DDX25: variants seen among roughly 807,000 people sequenced by gnomAD.
DDX25 encodes the protein DEAD-box helicase 25, also known as ATP-dependent RNA helicase DDX25.
DDX25 carries 70 observed loss-of-function variants against 64.6 expected under a neutral mutation model. That is an observed-to-expected ratio of 1.08 (90% CI 0.89 to 1.32). The LOEUF (loss-of-function observed/expected upper bound fraction) is 1.32. Among genes scored for constraint, DDX25 ranks in the 40% most tolerant of loss-of-function variants. The probability of loss-of-function intolerance (pLI) is 0.00; values close to 1 mark genes in which losing one functional copy is unlikely to be tolerated. For synonymous variants in DDX25, 211 were observed against 213.3 expected (o/e 0.99, Z 0.09); for missense variants, 587 against 604.4 (o/e 0.97, Z 0.30).
rs1944867886 is a variant in DDX25 at position 125,905,274 on chromosome 11, CAT to C, written c.128_129del (p.Ile43ArgfsTer5). 3 of 1,551,560 alleles carry C rather than the reference CAT, an allele frequency of 1.9e-6. No homozygotes were observed. The highest frequency in any genetic ancestry group is 1.7e-6 in the Non-Finnish European group (2 of 1,146,978). On this transcript the variant is annotated frameshift_variant and splice_region_variant, in exon 2 of 12. Transcript: ENST00000263576. LOFTEE classifies it high-confidence loss of function. Reference protein sequence around the residue: ...WGIKSTAVRNIDGSINNINED... With the variant: ...WGIKSTAVRNXDGSINNINED... The stretch of plus-strand genomic sequence containing the variant: ...GTATTAAGAGTACTGCAGTCCGAAA[CAT>C]AGGTGAGTGCTGTTAGGGCAAAGCA...
intron 8 of DDX25, among the ~76,000 whole-genome samples, chr11:125,915,766 A>G (rs1004618173): frequency 6.6e-6 from 1 of 151,918 alleles, no homozygotes; most frequent in African/African-American, 2.4e-5. Context: ...CCTGTAGCTC[A>G]CAGCTCCTAG....
chr11:125,922,476 C>T (rs1412221683), intron 11 of DDX25: 1 of 225,414 alleles, frequency 4.4e-6, no homozygotes, highest in African/African-American at 2.3e-5. Flanking sequence ...CTGGGGAGGA[C>T]AGGGTGAGGA....
upstream of DDX25, among the ~76,000 whole-genome samples, chr11:125,903,983 A>T (rs1031552026): frequency 6.6e-6 from 1 of 152,254 alleles, no homozygotes; most frequent in Non-Finnish European, 1.5e-5. Context: ...TAGAGCTTGA[A>T]CAGTTCTGCT....
Position 125,908,445 on chromosome 11 carries a change from CAGCG to C in DDX25, c.450_453del (p.Ala151HisfsTer7). The C allele has an allele frequency of 6.2e-7, 1 of 1,614,016 alleles. No homozygotes were observed. The highest frequency in any genetic ancestry group is 8.5e-7 in the Non-Finnish European group (1 of 1,179,898). On this transcript the variant is annotated frameshift_variant, in exon 6 of 12. Coordinates refer to ENST00000263576, the MANE Select transcript of DDX25 (RefSeq NM_013264.5). LOFTEE classifies it high-confidence loss of function. ...CAGAGCCAGTCTGGAACAGGAAAGA[CAGCG>C]GCATTTGTGTTGGCAATGTTAAGCA... is the stretch of plus-strand genomic sequence containing the variant.
intron 6 of DDX25, 66 bp from the exon 7 acceptor site, chr11:125,910,298 G>A (rs1270314820): frequency 7.5e-7 from 1 of 1,325,754 alleles, no homozygotes; most frequent in African/African-American, 1.5e-5. Context: ...AATTTTTATT[G>A]CAGTTGAAAT....
In DDX25 at chr11:125,916,534, C is replaced by A. The variant is rs538454038; in HGVS notation, c.801-480C>A. On this transcript the variant is annotated intron_variant, in intron 8 of 11. Transcript: ENST00000263576. Reference sequence around the variant, plus strand: ...GGGTACATTTCAGTCACTGTACTTTCCCCTGTTGCTCCCCTTTAATTTGTA... The same window carrying A: ...GGGTACATTTCAGTCACTGTACTTTACCCTGTTGCTCCCCTTTAATTTGTA... Among the ~76,000 whole-genome samples the A allele has an allele frequency of 4.9e-4, 74 of 152,260 alleles. 3 individuals carry two copies. In the South Asian group the frequency reaches 0.011, roughly 22 times the overall value.
At chr11:125,914,631 A>C (rs1380844341) in intron 8 of DDX25, among the ~76,000 whole-genome samples, 2 of 152,178 alleles carry the variant, frequency 1.3e-5, no homozygotes. Flanking sequence ...TTCAGCAGAG[A>C]TCAAAAGAGG....
Position 125,917,775 on chromosome 11 carries a change from A to G in DDX25, c.1038+524A>G, listed in dbSNP as rs937332395. Among the ~76,000 whole-genome samples, 3 of 152,214 alleles carry G rather than the reference A, an allele frequency of 2.0e-5. 1 individual carries two copies. The highest frequency in any genetic ancestry group is 1.9e-4 in the East Asian group (1 of 5,204). ...AGCACCAAAAACATATGTGTAGAAT[A>G]AAAGAAAGCTCAGCTCTGCCACTGG... On this transcript the variant is annotated intron_variant, in intron 9 of 11. Coordinates refer to ENST00000263576, the MANE Select transcript of DDX25 (RefSeq NM_013264.5).
At chr11:125,919,223 G>A (rs1196821670) in intron 10 of DDX25, among the ~76,000 whole-genome samples, 2 of 152,140 alleles carry the variant, frequency 1.3e-5, no homozygotes, top group East Asian at 3.8e-4. Flanking sequence ...TTCAGTTTGT[G>A]GCTATATTTA....
intron 6 of DDX25, 117 bp from the exon 7 acceptor site, chr11:125,910,247 A>G: frequency 1.3e-6 from 1 of 777,310 alleles, no homozygotes; most frequent in Admixed American, 2.5e-5. Context: ...ATTTCATTCA[A>G]CCAAAACCTT....
In DDX25 at chr11:125,921,428, C is replaced by T. The variant is rs1945114308; in HGVS notation, c.1390+49C>T. The T allele has an allele frequency of 1.3e-6, 2 of 1,582,750 alleles. No homozygotes were observed. The highest frequency in any genetic ancestry group is 2.3e-5 in the South Asian group (2 of 86,432). ...ATGAACTACAGACCTGCCGGTCTGA[C>T]AGTGATGATGTGTGCTGGAGAGCTG... On this transcript the variant is annotated intron_variant, in intron 11 of 11. Coordinates refer to ENST00000263576, the MANE Select transcript of DDX25 (RefSeq NM_013264.5). The surrounding 1 kb of genome is among the most constrained non-coding windows in gnomAD (Gnocchi z 4.1).
At chr11:125,903,551 AGAATTCAAATTAAAAGCT>A (rs113827647), upstream of DDX25, 30,368 of 152,164 alleles carry the variant, frequency 0.2, 3,358 homozygotes, top group Non-Finnish European at 0.25. Flanking sequence ...ATTTACTATT[AGAATTCAAATTAAAAGCT>A]GAAATGAATA....
intron 10 of DDX25, among the ~76,000 whole-genome samples, chr11:125,919,598 A>T (rs1945085870): frequency 7.3e-6 from 1 of 137,102 alleles, no homozygotes; most frequent in Admixed American, 8.0e-5. Flanking sequence ...GGCTTTCTTC[A>T]TCCCTCCTAA....
Position 125,908,240 on chromosome 11 carries a change from G to C in DDX25, c.356G>C (p.Arg119Thr), listed in dbSNP as rs559784018. The change falls in exon 5 of 12, where the codon AGG (arginine) becomes ACG (threonine). Residue 119 changes from arginine (R) to threonine (T), a missense_variant. By Grantham distance (71) the Arg-to-Thr change is moderately conservative. Transcript: ENST00000263576. ...GGAATCTATGCAATGGGATTTAATA[G>C]GCCATCTAAAATCCAAGAGATGGCT... ...LKGIYAMGFNRPSKIQEMALP... is the reference protein window; with the variant it reads ...LKGIYAMGFNTPSKIQEMALP... 1.2e-6 allele frequency: 2 copies of C among 1,612,724 alleles called. No individual in the cohort carries two copies. Among genetic ancestry groups the C allele is most frequent in the Non-Finnish European group, 1.7e-6 (2 of 1,179,330 alleles).
chr11:125,918,004 G>A (rs1350376460), intron 9 of DDX25, among the ~76,000 whole-genome samples: 3 of 151,902 alleles, frequency 2.0e-5, no homozygotes, highest in Non-Finnish European at 2.9e-5. Context: ...TCAGCTTCCC[G>A]AGTAGCTGAG....
In DDX25 at chr11:125,926,650, C is replaced by G. The variant is rs922045162; in HGVS notation, c.*3769C>G. 6.6e-6 allele frequency: 1 copy of G among 151,798 alleles called. No homozygotes were observed. Among genetic ancestry groups the G allele is most frequent in the Non-Finnish European group, 1.5e-5 (1 of 68,056 alleles). The allele number at this position is 151,798 out of a possible 1,614,324, so 9.4% of individuals were successfully genotyped here. On this transcript the variant is annotated 3_prime_UTR_variant, in exon 12 of 12. Transcript: ENST00000263576. Reference sequence around the variant, plus strand: ...CTCTGCCTCCCCGGTTCAAGCAATTCTCCTGTCTCAGCCTCCCGAGTAGCT... The same window carrying G: ...CTCTGCCTCCCCGGTTCAAGCAATTGTCCTGTCTCAGCCTCCCGAGTAGCT...
At chr11:125,918,933 C>A in intron 10 of DDX25, 143 bp downstream of exon 10, 1 of 1,036,080 alleles carries the variant, frequency 9.7e-7, no homozygotes, top group Non-Finnish European at 1.4e-6. Flanking sequence ...CTCCATCTCC[C>A]CAGTTTCCTC....
At chr11:125,909,685 G>A (rs1046447798) in intron 6 of DDX25, among the ~76,000 whole-genome samples, 2 of 147,272 alleles carry the variant, frequency 1.4e-5, no homozygotes, top group African/African-American at 5.0e-5. Flanking sequence ...GTCTCACCCT[G>A]TCAACTAGGC....
rs1276053935 is a variant in DDX25 at position 125,925,385 on chromosome 11, T to C, written c.*2504T>C. ...CACCTAGGAGGCAGCAAAGCCATCC[T>C]GTGTCACAGCTGCATTAACACGAAC... On this transcript the variant is annotated 3_prime_UTR_variant, in exon 12 of 12. Transcript: ENST00000263576. 2.2e-6 allele frequency: 1 copy of C among 456,126 alleles called. No individual in the cohort carries two copies. Among genetic ancestry groups the C allele is most frequent in the African/African-American group, 2.0e-5 (1 of 50,084 alleles). The allele number at this position is 456,126 out of a possible 1,614,324, so 28.3% of individuals were successfully genotyped here. A position where few individuals can be genotyped will look rare whatever the true frequency, so the allele number is the denominator to read the frequency against.
Sources: allele counts gnomAD v4.1 joint callset (sites outside exome capture counted in the v4.1 genomes callset), GRCh38; gene constraint gnomAD v4.1.1; non-coding constraint Gnocchi (gnomAD v3.1); transcripts MANE v1.5; gene names NCBI Gene and HGNC (gene_info 2026-07-23, HGNC 2026-07-21).